PRKD3: variants seen among roughly 807,000 people sequenced by gnomAD.
PRKD3 encodes the protein serine/threonine-protein kinase D3.
A neutral mutation model predicts 99.2 loss-of-function variants in PRKD3; 47 were observed. The observed-to-expected ratio is 0.47, with a 90% CI of 0.38 to 0.60. The LOEUF is 0.60. PRKD3 is among the 20% of genes least tolerant of loss of function. The pLI is 0.00. For synonymous variants in PRKD3, 392 were observed against 355.4 expected (o/e 1.10, Z -1.16); for missense variants, 1,019 against 1,088.4 (o/e 0.94, Z 0.90).
intron 5 of PRKD3, among the ~76,000 whole-genome samples, chr2:37,287,262 A>AAAAAAAAAAAAG (rs1670155965): frequency 3.7e-5 from 3 of 80,418 alleles, no homozygotes; most frequent in African/African-American, 1.6e-4. Context: ...AAAAAAAAAA[A>AAAAAAAAAAAAG]AAAAAGAAAA....
At chr2:37,272,697 G>C (rs1189148078) in intron 11 of PRKD3, among the ~76,000 whole-genome samples, 1 of 152,182 alleles carries the variant, frequency 6.6e-6, no homozygotes, top group Non-Finnish European at 1.5e-5. Flanking sequence ...AGCTAGTTAT[G>C]ATTATTACTG....
At chr2:37,257,147 C>T (rs1668017080) in intron 16 of PRKD3, among the ~76,000 whole-genome samples, 1 of 152,106 alleles carries the variant, frequency 6.6e-6, no homozygotes, top group Admixed American at 6.6e-5. Flanking sequence ...GAAGAGCTTT[C>T]CTAGTACATA....
At position 37,250,734 on chromosome 2, in the gene PRKD3, A is replaced by AAAATGT. The variant is rs1667418517; in HGVS notation, c.*2442_*2443insACATTT. On this transcript the variant is annotated 3_prime_UTR_variant, in exon 19 of 19. Transcript: ENST00000234179. ...ATGGTGATAGGAAATACATTTTATT[A>AAAATGT]TCAAGCTTCCAGTATATTTACAAAA... 1 of 152,330 alleles carries AAAATGT rather than the reference A, an allele frequency of 6.6e-6. No homozygotes were observed. The highest frequency in any genetic ancestry group is 6.5e-5 in the Admixed American group (1 of 15,276). The allele number at this position is 152,330 out of a possible 1,614,324, so 9.4% of individuals were successfully genotyped here. A position where few individuals can be genotyped will look rare whatever the true frequency, so the allele number is the denominator to read the frequency against.
At chr2:37,314,206 C>CACTCA (rs1283863535) in intron 2 of PRKD3, among the ~76,000 whole-genome samples, 12 of 152,154 alleles carry the variant, frequency 7.9e-5, no homozygotes, top group Admixed American at 3.9e-4. Flanking sequence ...TAGAAAACTG[C>CACTCA]ACTCAACAAG....
intron 2 of PRKD3, among the ~76,000 whole-genome samples, chr2:37,300,931 G>A (rs1167430715): frequency 6.6e-6 from 1 of 152,184 alleles, no homozygotes; most frequent in Non-Finnish European, 1.5e-5. Context: ...TATTGAGTAT[G>A]TACTTGTTTT....
chr2:37,263,658 A>T (rs1319564509), intron 14 of PRKD3, among the ~76,000 whole-genome samples: 2 of 152,184 alleles, frequency 1.3e-5, no homozygotes, highest in Non-Finnish European at 2.9e-5. Context: ...ATCTTATCAG[A>T]TCATGACCCT....
chr2:37,285,372 G>A (rs1670041073), intron 6 of PRKD3, among the ~76,000 whole-genome samples: 1 of 152,156 alleles, frequency 6.6e-6, no homozygotes, highest in Non-Finnish European at 1.5e-5. Context: ...ATTAAGAGAT[G>A]TTTTGAGAAT....
intron 1 of PRKD3, among the ~76,000 whole-genome samples, chr2:37,319,109 C>A (rs1671774644): frequency 6.6e-6 from 1 of 152,250 alleles, no homozygotes; most frequent in South Asian, 2.1e-4. Context: ...CCTCATTAAT[C>A]CTCACAGCAA....
At position 37,289,453 on chromosome 2, in the gene PRKD3, A is replaced by C. The variant is rs183596097; in HGVS notation, c.620T>G (p.Val207Gly). ...TACATTTGACAGACGTCTCTTTCTTACTCCACTACAGTTATTTGGAATCTT... is the reference window on the plus strand; with the variant it reads ...TACATTTGACAGACGTCTCTTTCTTCCTCCACTACAGTTATTTGGAATCTT... Reference protein sequence around the residue: ...AFKIPNNCSGVRKRRLSNVSL... With the variant: ...AFKIPNNCSGGRKRRLSNVSL... Residue 207 changes from valine to glycine, a missense_variant, in exon 5 of 19, where the codon GTA (valine) becomes GGA (glycine). This residue lies in a region of PRKD3 where 710 missense variants were observed against 692.7 expected (regional missense o/e 1.02). Coordinates refer to ENST00000234179, the MANE Select transcript of PRKD3 (RefSeq NM_005813.6). The C allele has an allele frequency of 2.5e-6, 4 of 1,613,766 alleles. No homozygotes were observed. In the African/African-American group the frequency reaches 4.0e-5, roughly 16 times the overall value.
chr2:37,317,497 T>C (rs953782473), intron 1 of PRKD3, among the ~76,000 whole-genome samples: 2 of 151,800 alleles, frequency 1.3e-5, no homozygotes. Context: ...CATGACTGAG[T>C]TATATCAAAA....
Position 37,292,030 on chromosome 2 carries a change from T to C in PRKD3, c.428-1031A>G, listed in dbSNP as rs577296655. On this transcript the variant is annotated intron_variant, in intron 3 of 18. Coordinates refer to ENST00000234179, the MANE Select transcript of PRKD3 (RefSeq NM_005813.6). ...GCAAGAATGCGTGAGGTGGAAAAAG[T>C]GAAAGGTAGAAAAAAGCCCAGTGGG... 3.3e-5 allele frequency among the ~76,000 whole-genome samples: 5 copies of C among 152,206 alleles called. No individual in the cohort carries two copies. The South Asian group carries it at 1.0e-3, about 32-fold the overall frequency.
chr2:37,308,826 T>C (rs959851567), intron 2 of PRKD3, among the ~76,000 whole-genome samples: 2 of 97,666 alleles, frequency 2.0e-5, no homozygotes, highest in East Asian at 9.0e-4. Flanking sequence ...TTAAGCTCTG[T>C]TTTTTTTTTG....
intron 6 of PRKD3, among the ~76,000 whole-genome samples, chr2:37,285,843 AGT>A: frequency 6.6e-6 from 1 of 152,224 alleles, no homozygotes; most frequent in African/African-American, 2.4e-5. Flanking sequence ...TCCTATTACT[AGT>A]ACTCCTATTA....
At chr2:37,254,590 G>C (rs1397809340) in intron 17 of PRKD3, among the ~76,000 whole-genome samples, 11 of 152,106 alleles carry the variant, frequency 7.2e-5, no homozygotes, top group African/African-American at 1.4e-4. Flanking sequence ...TGTGATACTG[G>C]GTCAGTTACT....
In PRKD3 at chr2:37,269,707, A is replaced by G; in HGVS notation, c.1705-20T>C. 1 of 1,533,886 alleles carries G rather than the reference A, an allele frequency of 6.5e-7. No homozygotes were observed. Among genetic ancestry groups the G allele is most frequent in the Non-Finnish European group, 9.0e-7 (1 of 1,111,448 alleles). On this transcript the variant is annotated intron_variant, in intron 12 of 18. Transcript: ENST00000234179. ...GATATCCTGGTAGGATAAAGTAAGG[A>G]GTTAGTATTATTTATTTCTATAATA... is the stretch of plus-strand genomic sequence containing the variant.
chr2:37,322,089 T>C (rs1033321152), intron 1 of PRKD3, among the ~76,000 whole-genome samples: 1 of 152,198 alleles, frequency 6.6e-6, no homozygotes, highest in African/African-American at 2.4e-5. Flanking sequence ...GAGGGTTGTG[T>C]CCACGCCTCT....
chr2:37,323,730 A>G (rs1382418771), intron 1 of PRKD3, among the ~76,000 whole-genome samples: 1 of 152,246 alleles, frequency 6.6e-6, no homozygotes, highest in African/African-American at 2.4e-5. Context: ...AAATTAAGGC[A>G]TTTAAAAGTT....
rs73927433 is a variant in PRKD3, at chr2:37,275,990, A to G, written c.1297-146T>C. ...TGAGGTTCAAAATTCTCAAGATATA[A>G]AAAGGATGTATGGTGAAAAGTATCA... is the stretch of plus-strand genomic sequence containing the variant. On this transcript the variant is annotated intron_variant, in intron 9 of 18. Transcript: ENST00000234179. 727 of 1,185,010 alleles carry G rather than the reference A, an allele frequency of 6.1e-4. 3 individuals are homozygous for G. In the African/African-American group the frequency reaches 9.9e-3, roughly 16 times the overall value. 73.4% of individuals were successfully genotyped at this position (1,185,010 alleles called of 1,614,324 possible).
At chr2:37,307,393 CTAAT>C (rs2124883376) in intron 2 of PRKD3, among the ~76,000 whole-genome samples, 1 of 152,300 alleles carries the variant, frequency 6.6e-6, no homozygotes, top group South Asian at 2.1e-4. Flanking sequence ...GCTCTACAAA[CTAAT>C]TATCTGACAA....
Sources: allele counts gnomAD v4.1 joint callset (sites outside exome capture counted in the v4.1 genomes callset), GRCh38; gene constraint gnomAD v4.1.1; regional missense constraint gnomAD v4.1.1; transcripts MANE v1.5; gene names NCBI Gene and HGNC (gene_info 2026-07-23, HGNC 2026-07-21).